PALLD: variants seen among roughly 807,000 people sequenced by gnomAD.
The protein encoded by PALLD is palladin, cytoskeletal associated protein.
A neutral mutation model predicts 123.5 loss-of-function variants in PALLD; 61 were observed. That is an observed-to-expected ratio of 0.49 (90% CI 0.40 to 0.61). The LOEUF is 0.61. Ranked by LOEUF, PALLD falls within the 20% of genes least tolerant of loss-of-function variation. The probability of loss-of-function intolerance (pLI) is 0.00; values close to 1 mark genes in which losing one functional copy is unlikely to be tolerated. For missense variants in PALLD, 1,273 were observed against 1,377.0 expected, an observed-to-expected ratio of 0.92 and a Z score of 1.20; for synonymous variants, 465 against 496.4, an observed-to-expected ratio of 0.94 and a Z score of 0.84.
intron 2 of PALLD, among the ~76,000 whole-genome samples, chr4:168,547,020 CT>C (rs1171918246): frequency 2.0e-5 from 3 of 151,876 alleles, no homozygotes; most frequent in Admixed American, 6.6e-5. Flanking sequence ...TAAATTTTAC[CT>C]TTTGGGTTTT....
intron 2 of PALLD, among the ~76,000 whole-genome samples, chr4:168,621,815 C>A (rs1774791473): frequency 6.6e-6 from 1 of 152,132 alleles, no homozygotes; most frequent in African/African-American, 2.4e-5. Flanking sequence ...CTATGACCCA[C>A]CTTTGCTTCT....
chr4:168,756,556 A>T (rs542955535), intron 10 of PALLD, among the ~76,000 whole-genome samples: 1 of 152,328 alleles, frequency 6.6e-6, no homozygotes, highest in East Asian at 1.9e-4. Context: ...GATGTAAGGG[A>T]AAGAGAAGGA....
chr4:168,691,868 A>G (rs1245480587), intron 8 of PALLD, among the ~76,000 whole-genome samples: 2 of 152,182 alleles, frequency 1.3e-5, no homozygotes, highest in Admixed American at 1.3e-4. Flanking sequence ...TATGTGATCC[A>G]GGAGCCTCGG....
At chr4:168,741,364 T>G (rs956405399) in intron 10 of PALLD, among the ~76,000 whole-genome samples, 8 of 152,074 alleles carry the variant, frequency 5.3e-5, no homozygotes, top group African/African-American at 7.2e-5. Flanking sequence ...TGTGTGTGTG[T>G]GTGATCTTTT....
chr4:168,765,250 G>A (rs1215037287), intron 10 of PALLD, among the ~76,000 whole-genome samples: 3 of 152,214 alleles, frequency 2.0e-5, no homozygotes, highest in Admixed American at 6.5e-5. Context: ...AAATGGAAGC[G>A]ATGATGCTGA....
At chr4:168,722,071 G>T (rs974168389) in intron 10 of PALLD, among the ~76,000 whole-genome samples, 1 of 152,120 alleles carries the variant, frequency 6.6e-6, no homozygotes, top group Non-Finnish European at 1.5e-5. Context: ...TCAAGCCAGG[G>T]TCTCACTCTG....
At chr4:168,564,378 C>T (rs1014861133) in intron 2 of PALLD, among the ~76,000 whole-genome samples, 1 of 152,178 alleles carries the variant, frequency 6.6e-6, no homozygotes, top group Admixed American at 6.6e-5. Context: ...TTTCTATAAA[C>T]ATATAACTGC....
intron 2 of PALLD, among the ~76,000 whole-genome samples, chr4:168,665,638 G>A (rs116745619): frequency 0.013 from 1,997 of 152,256 alleles, 42 homozygotes; most frequent in African/African-American, 0.046. Flanking sequence ...TCTGTGAGGC[G>A]GGTCATTCTG....
intron 15 of PALLD, among the ~76,000 whole-genome samples, chr4:168,912,658 G>A (rs1759226907): frequency 6.6e-6 from 1 of 152,176 alleles, no homozygotes; most frequent in South Asian, 2.1e-4. Context: ...TTCAAAGCAT[G>A]TATACAACGT....
chr4:168,558,843 G>A (rs570599663), intron 2 of PALLD, among the ~76,000 whole-genome samples: 7 of 152,244 alleles, frequency 4.6e-5, no homozygotes, highest in African/African-American at 1.7e-4. Flanking sequence ...AAATACCAAA[G>A]GAAGCAATAA....
chr4:168,670,794 A>C (rs1192316593), intron 3 of PALLD, among the ~76,000 whole-genome samples: 1 of 142,664 alleles, frequency 7.0e-6, no homozygotes, highest in Non-Finnish European at 1.5e-5. Flanking sequence ...AAAAACAAAA[A>C]AAACAAAAAA....
Position 168,890,777 on chromosome 4 carries a change from T to C in PALLD, c.1965-145T>C. ...ACCTGAACCAGCTTTCATGGTTCTT[T>C]CCATCATAGTTGCAACAGATGTAGC... is the stretch of plus-strand genomic sequence containing the variant. On this transcript the variant is annotated intron_variant, in intron 10 of 21. Transcript: ENST00000505667. 5 of 853,654 alleles carry C rather than the reference T, an allele frequency of 5.9e-6. No homozygotes were observed. The South Asian group carries it at 6.8e-5, about 12-fold the overall frequency. The allele number at this position is 853,654 out of a possible 1,614,324, so 52.9% of individuals were successfully genotyped here. A position where few individuals can be genotyped will look rare whatever the true frequency, so the allele number is the denominator to read the frequency against.
intron 10 of PALLD, among the ~76,000 whole-genome samples, chr4:168,767,980 A>G (rs1453822015): frequency 6.6e-6 from 1 of 152,130 alleles, no homozygotes; most frequent in Non-Finnish European, 1.5e-5. Context: ...ACCATGGTTC[A>G]GACTTCCATA....
At chr4:168,862,079 G>A (rs556691201) in intron 10 of PALLD, among the ~76,000 whole-genome samples, 18 of 152,112 alleles carry the variant, frequency 1.2e-4, no homozygotes, top group African/African-American at 4.3e-4. Context: ...TTAAAAAATA[G>A]GATTTAATTT....
At chr4:168,793,366 C>G (rs531861491) in intron 10 of PALLD, among the ~76,000 whole-genome samples, 1 of 39,756 alleles carries the variant, frequency 2.5e-5, no homozygotes, top group African/African-American at 7.8e-5. Flanking sequence ...TATATGTGTG[C>G]ATATATATCA....
chr4:168,781,027 T>C (rs2150550778), intron 10 of PALLD, among the ~76,000 whole-genome samples: 1 of 152,346 alleles, frequency 6.6e-6, no homozygotes, highest in South Asian at 2.1e-4. Flanking sequence ...GGAGTCGACA[T>C]TTGAAACCAT....
intron 10 of PALLD, among the ~76,000 whole-genome samples, chr4:168,872,344 T>C (rs1039995816): frequency 1.3e-5 from 2 of 152,224 alleles, no homozygotes; most frequent in Non-Finnish European, 1.5e-5. Context: ...AGGTCACTTC[T>C]CCCTTGAGCC....
At chr4:168,573,947 T>C (rs1769265371) in intron 2 of PALLD, among the ~76,000 whole-genome samples, 1 of 152,144 alleles carries the variant, frequency 6.6e-6, no homozygotes, top group African/African-American at 2.4e-5. Flanking sequence ...AGCTTTTTTT[T>C]TTTTGCAAGG....
chr4:168,571,039 C>T (rs752948645), intron 2 of PALLD, among the ~76,000 whole-genome samples: 1 of 152,096 alleles, frequency 6.6e-6, no homozygotes, highest in Non-Finnish European at 1.5e-5. Context: ...ATTTCTTTGG[C>T]TCTCTTCTTT....
Sources: gnomAD v4.1 joint callset for allele counts (sites outside exome capture counted in the v4.1 genomes callset) on GRCh38, gnomAD v4.1.1 for gene constraint, MANE v1.5 for transcripts, NCBI Gene and HGNC (gene_info 2026-07-23, HGNC 2026-07-21) for gene names.